The following EFHD2 variants were observed in gnomAD, a reference collection of about 807,000 sequenced individuals.
EFHD2 encodes the protein EF-hand domain-containing protein D2.
A neutral mutation model predicts 20.3 loss-of-function variants in EFHD2; 12 were observed. That is an observed-to-expected ratio of 0.59 (90% CI 0.38 to 0.96). The LOEUF (loss-of-function observed/expected upper bound fraction) is 0.96. Among genes scored for constraint, EFHD2 ranks in the 40% least tolerant of loss-of-function variants. EFHD2 has a pLI of 0.00. For missense variants in EFHD2, 250 were observed against 334.3 expected (o/e 0.75, Z 1.97); for synonymous variants, 131 against 143.9 (o/e 0.91, Z 0.64).
In EFHD2 at chr1:15,426,122, T is replaced by C. The variant is rs963433011; in HGVS notation, c.456+104T>C. 16 of 1,241,940 alleles carry C rather than the reference T, an allele frequency of 1.3e-5. No homozygotes were observed. The highest frequency in any genetic ancestry group is 4.7e-5 in the African/African-American group (3 of 63,814). 76.9% of individuals were successfully genotyped at this position (1,241,940 alleles called of 1,614,324 possible). A position where few individuals can be genotyped will look rare whatever the true frequency, so the allele number is the denominator to read the frequency against. ...ACCCTTTGTCAATGAATGAATGACA[T>C]TGCCATTGAACAGCAGCTGTGAGCA... On this transcript the variant is annotated intron_variant, in intron 2 of 3. Coordinates refer to ENST00000375980, the MANE Select transcript of EFHD2 (RefSeq NM_024329.6). This position sits in a 1 kb window ranked among gnomAD's most constrained non-coding sequence, Gnocchi z 4.6.
intron 1 of EFHD2, among the ~76,000 whole-genome samples, chr1:15,423,598 C>G (rs995900807): frequency 6.6e-6 from 1 of 152,128 alleles, no homozygotes; most frequent in South Asian, 2.1e-4. Flanking sequence ...CCTCTCTGAG[C>G]CTTGGTCATA....
intron 3 of EFHD2, chr1:15,428,113 AC>A: frequency 2.4e-6 from 1 of 410,442 alleles, no homozygotes. Flanking sequence ...GAAGTGCCTG[AC>A]CCAGGGCCAG....
At chr1:15,423,135 G>T (rs1489177389) in intron 1 of EFHD2, among the ~76,000 whole-genome samples, 1 of 152,180 alleles carries the variant, frequency 6.6e-6, no homozygotes, top group African/African-American at 2.4e-5. Context: ...ATGGCAGGAG[G>T]CGCCTCCGCT....
chr1:15,425,756 C>G (rs541497539), intron 1 of EFHD2, 115 bp from the exon 2 acceptor site: 39 of 1,424,732 alleles, frequency 2.7e-5, no homozygotes, highest in Non-Finnish European at 3.5e-5. Flanking sequence ...CCAACAGTGA[C>G]GGGATTTTAT....
chr1:15,423,210 C>A (rs1242031520), intron 1 of EFHD2, among the ~76,000 whole-genome samples: 2 of 152,218 alleles, frequency 1.3e-5, no homozygotes, highest in African/African-American at 4.8e-5. Flanking sequence ...GCCTGCCTGA[C>A]CCTCTGAGTC....
chr1:15,428,992 TA>T lies in EFHD2; in HGVS notation c.*270del. On this transcript the variant is annotated 3_prime_UTR_variant, in exon 4 of 4. Coordinates refer to ENST00000375980, the MANE Select transcript of EFHD2 (RefSeq NM_024329.6). ...CAATCCCTGGGCTCTCTTGCACCCCTAACTGCCCCCTGCCTGCTCCGGCACT... is the reference window on the plus strand; with the variant it reads ...CAATCCCTGGGCTCTCTTGCACCCCTACTGCCCCCTGCCTGCTCCGGCACT... 3 of 447,254 alleles carry T rather than the reference TA, an allele frequency of 6.7e-6. No homozygotes were observed. Among genetic ancestry groups the T allele is most frequent in the South Asian group, 6.4e-5 (3 of 47,218 alleles). 27.7% of individuals were successfully genotyped at this position (447,254 alleles called of 1,614,324 possible). A position where few individuals can be genotyped will look rare whatever the true frequency, so the allele number is the denominator to read the frequency against.
At chr1:15,417,362 TAAC>T in intron 1 of EFHD2, among the ~76,000 whole-genome samples, 1 of 152,294 alleles carries the variant, frequency 6.6e-6, no homozygotes, top group Admixed American at 6.5e-5. Context: ...ATCACTATCA[TAAC>T]AATAATGACT....
intron 1 of EFHD2, among the ~76,000 whole-genome samples, chr1:15,422,477 C>T (rs112555830): frequency 0.012 from 1,901 of 152,210 alleles, 35 homozygotes; most frequent in African/African-American, 0.041. Context: ...TGGCATCCCC[C>T]CCACCTCCGC....
intron 1 of EFHD2, among the ~76,000 whole-genome samples, chr1:15,417,043 C>T (rs1457873238): frequency 6.6e-6 from 1 of 152,026 alleles, no homozygotes; most frequent in Non-Finnish European, 1.5e-5. Flanking sequence ...ACTCCTGGCC[C>T]CAAGCCACCC....
rs922679422 is a variant in EFHD2, at chr1:15,429,359, C to T, written c.*635C>T. On this transcript the variant is annotated 3_prime_UTR_variant, in exon 4 of 4. Coordinates refer to ENST00000375980, the MANE Select transcript of EFHD2 (RefSeq NM_024329.6). ...GGACCCGGGCAGGCCCCCAGCACCC[C>T]ATGCTGACTTGGAGAACCCCAGATC... 1 of 153,078 alleles carries T rather than the reference C, an allele frequency of 6.5e-6. No homozygotes were observed. Among genetic ancestry groups the T allele is most frequent in the Non-Finnish European group, 1.5e-5 (1 of 68,376 alleles). 9.5% of individuals were successfully genotyped at this position (153,078 alleles called of 1,614,324 possible). A position where few individuals can be genotyped will look rare whatever the true frequency, so the allele number is the denominator to read the frequency against.
intron 2 of EFHD2, 68 bp from the exon 3 acceptor site, chr1:15,427,082 C>G: frequency 6.4e-7 from 1 of 1,564,958 alleles, no homozygotes; most frequent in Non-Finnish European, 8.7e-7. Flanking sequence ...GGCCTGGGTG[C>G]GGCCAGGGAC....
chr1:15,412,275 A>T (rs1424765159), intron 1 of EFHD2, among the ~76,000 whole-genome samples: 2 of 152,068 alleles, frequency 1.3e-5, no homozygotes, highest in Non-Finnish European at 2.9e-5. Flanking sequence ...CACTGCCCCC[A>T]TCGGGCAGTG....
At chr1:15,419,301 G>A (rs959888897) in intron 1 of EFHD2, among the ~76,000 whole-genome samples, 3 of 152,230 alleles carry the variant, frequency 2.0e-5, no homozygotes, top group Admixed American at 1.3e-4. Context: ...CCTCCCTGAC[G>A]AGAACTATTC....
At chr1:15,420,044 C>T (rs1390527646) in intron 1 of EFHD2, among the ~76,000 whole-genome samples, 1 of 152,114 alleles carries the variant, frequency 6.6e-6, no homozygotes, top group Non-Finnish European at 1.5e-5. Context: ...GGAGGGATCC[C>T]CTGGGTCATC....
Position 15,410,343 on chromosome 1 carries a change from C to T in EFHD2, c.308+64C>T, listed in dbSNP as rs1431203066. ...GACCCGGTCTCGGGCCCCGAACCCC[C>T]CGATCCCCGGATCCCGCTCCGCCCC... is the stretch of plus-strand genomic sequence containing the variant. On this transcript the variant is annotated intron_variant, in intron 1 of 3. Transcript: ENST00000375980. 10 of 1,485,690 alleles carry T rather than the reference C, an allele frequency of 6.7e-6. 1 individual carries two copies. Among genetic ancestry groups the T allele is most frequent in the African/African-American group, 4.4e-5 (3 of 68,784 alleles). The allele number at this position is 1,485,690 out of a possible 1,614,324, so 92.0% of individuals were successfully genotyped here.
chr1:15,410,628 T>C (rs1331723129), intron 1 of EFHD2, among the ~76,000 whole-genome samples: 1 of 147,152 alleles, frequency 6.8e-6, no homozygotes, highest in Non-Finnish European at 1.5e-5. Context: ...CACGTGTGGG[T>C]CCCGGGCCCT....
chr1:15,421,561 A>C (rs1419966322), intron 1 of EFHD2, among the ~76,000 whole-genome samples: 1 of 152,174 alleles, frequency 6.6e-6, no homozygotes, highest in African/African-American at 2.4e-5. Context: ...CGGCCGTTCA[A>C]ATCATGGTTT....
chr1:15,422,430 A>G (rs113303451), intron 1 of EFHD2, among the ~76,000 whole-genome samples: 5,414 of 151,944 alleles, frequency 0.036, 308 homozygotes, highest in African/African-American at 0.12. Context: ...CCTATGCGCT[A>G]TAGGAGCTTC....
At position 15,428,835 on chromosome 1, in the gene EFHD2, A is replaced by G. The variant is rs368264301; in HGVS notation, c.*111A>G. On this transcript the variant is annotated 3_prime_UTR_variant, in exon 4 of 4. Transcript: ENST00000375980. ...GTGTCTGACGGGACCACTACTAAAA[A>G]CCTAAAAATATCTGTGAATGGAGCA... 6.1e-6 allele frequency: 9 copies of G among 1,472,732 alleles called. No individual in the cohort carries two copies. The South Asian group carries it at 7.7e-5, about 13-fold the overall frequency. 91.2% of individuals were successfully genotyped at this position (1,472,732 alleles called of 1,614,324 possible).
Sources: allele counts gnomAD v4.1 joint callset (sites outside exome capture counted in the v4.1 genomes callset), GRCh38; gene constraint gnomAD v4.1.1; non-coding constraint Gnocchi (gnomAD v3.1); transcripts MANE v1.5; gene names NCBI Gene and HGNC (gene_info 2026-07-23, HGNC 2026-07-21).